Variants in AGO1 observed in about 807,000 individuals in gnomAD.
AGO1 encodes protein argonaute-1.
A neutral mutation model predicts 109.2 loss-of-function variants in AGO1; 11 were observed. That is an observed-to-expected ratio of 0.10 (90% confidence interval 0.06 to 0.17). The LOEUF (loss-of-function observed/expected upper bound fraction) is 0.17, where lower values mean the gene tolerates loss of function less well. AGO1 is among the 10% of genes least tolerant of loss of function. The pLI, the probability that AGO1 is intolerant of heterozygous loss-of-function variation, is 1.00. For missense variants in AGO1, 574 were observed against 1,140.3 expected, an observed-to-expected ratio of 0.50 and a Z score of 7.15; for synonymous variants, 422 against 418.6, an observed-to-expected ratio of 1.01 and a Z score of -0.10.
chr1:35,926,032 AG>A lies in AGO1; in HGVS notation c.*6426del, dbSNP rs1476268804. The A allele has an allele frequency of 1.3e-5, 2 of 151,456 alleles. No individual in the cohort carries two copies. Among genetic ancestry groups the A allele is most frequent in the Non-Finnish European group, 2.9e-5 (2 of 68,042 alleles). 9.4% of individuals were successfully genotyped at this position (151,456 alleles called of 1,614,324 possible). A position where few individuals can be genotyped will look rare whatever the true frequency, so the allele number is the denominator to read the frequency against. ...AGCCAGCCCCATGCTTCTTTTCAGC[AG>A]CAAGGGTTAGGGAGGTTGGTTGAAC... On this transcript the variant is annotated 3_prime_UTR_variant, in exon 19 of 19. Coordinates refer to ENST00000373204, the MANE Select transcript of AGO1 (RefSeq NM_012199.5).
chr1:35,905,927 C>T (rs1645511178), intron 11 of AGO1, among the ~76,000 whole-genome samples: 1 of 152,188 alleles, frequency 6.6e-6, no homozygotes, highest in African/African-American at 2.4e-5. Context: ...AATACTTTCT[C>T]ATAAAACTAT....
At position 35,888,736 on chromosome 1, in the gene AGO1, A is replaced by T. The variant is rs1645162367; in HGVS notation, c.209+126A>T. ...ATCTAAGGAAGTTTTTGAACGGGAG[A>T]TGCCACGTCGGGTAAATGCTGAAAA... On this transcript the variant is annotated intron_variant, in intron 2 of 18. Coordinates refer to ENST00000373204, the MANE Select transcript of AGO1 (RefSeq NM_012199.5). The surrounding 1 kb of genome is among the most constrained non-coding windows in gnomAD (Gnocchi z 4.1). 16 of 1,038,698 alleles carry T rather than the reference A, an allele frequency of 1.5e-5. No homozygotes were observed. The Admixed American group carries it at 2.3e-4, about 15-fold the overall frequency. 64.3% of individuals were successfully genotyped at this position (1,038,698 alleles called of 1,614,324 possible).
intron 11 of AGO1, among the ~76,000 whole-genome samples, chr1:35,903,934 A>G (rs1411547034): frequency 6.6e-6 from 1 of 151,612 alleles, no homozygotes; most frequent in Non-Finnish European, 1.5e-5. Flanking sequence ...CTGCCCTCCA[A>G]CGTGGTAACA....
Position 35,895,666 on chromosome 1 carries a change from A to T in AGO1, c.1020+397A>T, listed in dbSNP as rs111530209. ...GGTGATAAATACTACCTATAATGTA[A>T]ATCATGTTTCTCCAAGGATTAATGT... On this transcript the variant is annotated intron_variant, in intron 8 of 18. Coordinates refer to ENST00000373204, the MANE Select transcript of AGO1 (RefSeq NM_012199.5). Among the ~76,000 whole-genome samples, 108 of 152,306 alleles carry T rather than the reference A, an allele frequency of 7.1e-4. 2 individuals carry two copies. The highest frequency in any genetic ancestry group is 2.5e-3 in the African/African-American group (106 of 41,570).
rs1452338087 is a variant in AGO1 at position 35,927,298 on chromosome 1, A to G, written c.*7691A>G. ...TCTTAAATAAGAAAACTATCATTTC[A>G]TATGACAAGAAATCCTAATTTAATG... On this transcript the variant is annotated 3_prime_UTR_variant, in exon 19 of 19. Transcript: ENST00000373204. 6.6e-6 allele frequency: 1 copy of G among 152,222 alleles called. No individual in the cohort carries two copies. Among genetic ancestry groups the G allele is most frequent in the Non-Finnish European group, 1.5e-5 (1 of 68,028 alleles). The allele number at this position is 152,222 out of a possible 1,614,324, so 9.4% of individuals were successfully genotyped here. A position where few individuals can be genotyped will look rare whatever the true frequency, so the allele number is the denominator to read the frequency against.
At position 35,898,848 on chromosome 1, in the gene AGO1, C is replaced by G. The variant is rs114544396; in HGVS notation, c.1021-2626C>G. On this transcript the variant is annotated intron_variant, in intron 8 of 18. Transcript: ENST00000373204. ...GTCCACAAAATCATTTATTCATGTT[C>G]AAATCACAGTTCATTCCTTCTTCCG... Among the ~76,000 whole-genome samples, 1,133 of 152,278 alleles carry G rather than the reference C, an allele frequency of 7.4e-3. 10 individuals are homozygous for G. The highest frequency in any genetic ancestry group is 0.026 in the African/African-American group (1,072 of 41,564).
upstream of AGO1, among the ~76,000 whole-genome samples, chr1:35,880,797 C>T (rs144778696): frequency 3.8e-3 from 582 of 152,156 alleles, 1 homozygote; most frequent in Non-Finnish European, 6.6e-3. Flanking sequence ...GGAGCTGGGA[C>T]TACAGGCGTG....
At chr1:35,887,124 C>T (rs916639275) in intron 1 of AGO1, among the ~76,000 whole-genome samples, 1 of 152,162 alleles carries the variant, frequency 6.6e-6, no homozygotes, top group African/African-American at 2.4e-5. Context: ...CTTCATTTCC[C>T]TGTCTGCAGA....
At chr1:35,897,339 G>C (rs1645337761) in intron 8 of AGO1, among the ~76,000 whole-genome samples, 1 of 152,180 alleles carries the variant, frequency 6.6e-6, no homozygotes, top group South Asian at 2.1e-4. Context: ...TGAGAGAAGA[G>C]CCTTCCAGGC....
At chr1:35,902,175 AC>A in intron 10 of AGO1, 28 bp from the exon 11 acceptor site, 3 of 1,606,956 alleles carry the variant, frequency 1.9e-6, no homozygotes, top group Non-Finnish European at 2.6e-6. Context: ...ACTGAGGCTC[AC>A]CTAGGCGCCC....
upstream of AGO1, among the ~76,000 whole-genome samples, chr1:35,881,870 G>A (rs755800592): frequency 6.6e-6 from 1 of 152,220 alleles, no homozygotes; most frequent in Non-Finnish European, 1.5e-5. Flanking sequence ...GCACCAGACC[G>A]AATAGGAGGG....
chr1:35,913,018 C>CT (rs879356923), intron 12 of AGO1, among the ~76,000 whole-genome samples: 128 of 145,550 alleles, frequency 8.8e-4, no homozygotes, highest in Non-Finnish European at 9.0e-4. Flanking sequence ...ACTCACCCAT[C>CT]TTTTTTTTTT....
intron 14 of AGO1, among the ~76,000 whole-genome samples, chr1:35,915,073 T>C (rs1213911964): frequency 6.6e-6 from 1 of 152,168 alleles, no homozygotes; most frequent in Non-Finnish European, 1.5e-5. Context: ...ATCAAGTACC[T>C]ACTGTGGGCT....
In AGO1 at chr1:35,901,662, A is replaced by G. The variant is rs1645418481; in HGVS notation, c.1140+69A>G. ...AGCATAAATGTTTTAATGCCCCAGC[A>G]GGACCTTCCTTCAGGAGAACCCAAG... On this transcript the variant is annotated intron_variant, in intron 9 of 18. Transcript: ENST00000373204. The surrounding 1 kb of genome is among the most constrained non-coding windows in gnomAD (Gnocchi z 4.8). 1.9e-6 allele frequency: 3 copies of G among 1,607,234 alleles called. No homozygotes were observed. The Admixed American group carries it at 5.0e-5, about 27-fold the overall frequency.
At position 35,871,277 on chromosome 1, in the gene AGO1, G is replaced by A. The variant is rs1410711875; in HGVS notation, c.-201+1374G>A. ...ATAATGAGATTAGGCTGGGCGAGGT[G>A]GCTCATGCTTGTAATCCCAGCACTT... On this transcript the variant is annotated intron_variant, in intron 1 of 18. Coordinates refer to the AGO1 transcript ENST00000373206. Among the ~76,000 whole-genome samples, 6 of 152,118 alleles carry A rather than the reference G, an allele frequency of 3.9e-5. No homozygotes were observed. In the East Asian group the frequency reaches 1.2e-3, roughly 29 times the overall value.
chr1:35,893,818 G>C lies in AGO1; in HGVS notation c.649+8G>C, dbSNP rs1430721667. On this transcript the variant is annotated splice_region_variant and intron_variant, in intron 5 of 18. Transcript: ENST00000373204. This position sits in a 1 kb window ranked among gnomAD's most constrained non-coding sequence, Gnocchi z 5.6. ...TGATGCTCAACATTGATGGTGAGTG[G>C]GGAGAGCTATGGAGCCAGGGGCACC... 1 of 1,610,504 alleles carries C rather than the reference G, an allele frequency of 6.2e-7. No individual in the cohort carries two copies. The highest frequency in any genetic ancestry group is 1.1e-5 in the South Asian group (1 of 90,718).
intron 8 of AGO1, among the ~76,000 whole-genome samples, chr1:35,899,577 A>T (rs1158839713): frequency 6.6e-6 from 1 of 152,246 alleles, no homozygotes; most frequent in Admixed American, 6.5e-5. Context: ...AGAGAATGCT[A>T]CAACTTTAAG....
At chr1:35,909,541 C>A (rs1419980466) in intron 12 of AGO1, among the ~76,000 whole-genome samples, 1 of 152,314 alleles carries the variant, frequency 6.6e-6, no homozygotes, top group East Asian at 1.9e-4. Context: ...TCTTGTCCCC[C>A]ACCTTGCACT....
chr1:35,883,091 G>T, upstream of AGO1: 1 of 1,058,818 alleles, frequency 9.4e-7, no homozygotes, highest in Non-Finnish European at 1.1e-6. This position sits in a 1 kb window ranked among gnomAD's most constrained non-coding sequence, Gnocchi z 5.4. Context: ...TGACCGCCAG[G>T]GGCCGCTGCC....
Sources: gnomAD v4.1 joint callset for allele counts (sites outside exome capture counted in the v4.1 genomes callset) on GRCh38, gnomAD v4.1.1 for gene constraint, Gnocchi (gnomAD v3.1) non-coding constraint, MANE v1.5 for transcripts, NCBI Gene and HGNC (gene_info 2026-07-23, HGNC 2026-07-21) for gene names.